Variants in P2RX5 observed in about 807,000 individuals in gnomAD.
P2RX5 encodes the protein P2X purinoceptor 5.
In P2RX5, 46 loss-of-function variants were observed where a neutral mutation model predicts 54.1. The ratio of observed to expected loss-of-function variants is 0.85; its 90% CI spans 0.67 to 1.09. P2RX5 has a LOEUF of 1.09. Ranked by LOEUF, P2RX5 falls within the 50% of genes least tolerant of loss-of-function variation. The probability of loss-of-function intolerance (pLI) is 0.00; values close to 1 mark genes in which losing one functional copy is unlikely to be tolerated. For synonymous variants in P2RX5, 226 were observed against 226.4 expected, an observed-to-expected ratio of 1.00 and a Z score of 0.02; for missense variants, 566 against 549.8, an observed-to-expected ratio of 1.03 and a Z score of -0.29.
intron 1 of P2RX5, among the ~76,000 whole-genome samples, chr17:3,694,492 C>A (rs537998663): frequency 5.3e-4 from 80 of 152,272 alleles, no homozygotes; most frequent in African/African-American, 1.8e-3. Flanking sequence ...AGGCATGAGC[C>A]ACAGCGCCCG....
At chr17:3,716,808 A>C in the P2RX5 span, 1 of 1,429,568 alleles carries the variant, frequency 7.0e-7, no homozygotes, top group Non-Finnish European at 9.8e-7. Context: ...TCTAGACAAG[A>C]CAAAGAGATC....
chr17:3,700,256 C>T (rs923920134), upstream of P2RX5, among the ~76,000 whole-genome samples: 3 of 152,092 alleles, frequency 2.0e-5, no homozygotes, highest in African/African-American at 7.2e-5. Flanking sequence ...AAGTCAGGGC[C>T]GGGCAGTGTG....
At chr17:3,710,148 C>T in the P2RX5 span, among the ~76,000 whole-genome samples, 141 of 151,606 alleles carry the variant, frequency 9.3e-4, 1 homozygote, top group African/African-American at 2.9e-3. Context: ...TGCAGGAGGC[C>T]GGGCGTGGCG....
the P2RX5 span, chr17:3,723,711 C>T: frequency 1.2e-6 from 2 of 1,603,768 alleles, 1 homozygote; most frequent in South Asian, 2.2e-5. Context: ...TACGCACAAG[C>T]GCGCTCCTGA....
At chr17:3,690,324 C>A in intron 5 of P2RX5, 103 bp downstream of exon 5, 1 of 1,150,068 alleles carries the variant, frequency 8.7e-7, no homozygotes, top group South Asian at 1.3e-5. Flanking sequence ...TGACTCCTCC[C>A]TCAGCGTGAG....
the P2RX5 span, among the ~76,000 whole-genome samples, chr17:3,705,120 C>T: frequency 0.012 from 1,840 of 152,306 alleles, 32 homozygotes; most frequent in African/African-American, 0.041. Flanking sequence ...CTCCAGTTCC[C>T]GGCGCTGGCT....
At chr17:3,680,538 C>T (rs867189909) in intron 10 of P2RX5, among the ~76,000 whole-genome samples, 89 of 116,880 alleles carry the variant, frequency 7.6e-4, no homozygotes, top group Middle Eastern at 0.013. Flanking sequence ...CTCCACCCAG[C>T]GTCCTCCACC....
At chr17:3,689,919 T>C (rs1314702681) in intron 6 of P2RX5, 151 bp downstream of exon 6, 9 of 837,866 alleles carry the variant, frequency 1.1e-5, no homozygotes, top group Non-Finnish European at 1.4e-5. Flanking sequence ...CACAGACACA[T>C]GCACGCGCAC....
chr17:3,701,213 G>A (rs2050813284), upstream of P2RX5, among the ~76,000 whole-genome samples: 1 of 152,134 alleles, frequency 6.6e-6, no homozygotes, highest in African/African-American at 2.4e-5. Context: ...TTGTTAAAAC[G>A]TTGTGAGGTT....
At position 3,688,076 on chromosome 17, in the gene P2RX5, C is replaced by A; in HGVS notation, c.917G>T (p.Gly306Val). ...TTTCATCAGGGTGCGGAACTCCACC[C>A]CGGCTGCGTCTCGGTAATATCTGGC... is the stretch of plus-strand genomic sequence containing the variant. ...RFARYYRDAAGVEFRTLMKAY... is the reference protein window; with the variant it reads ...RFARYYRDAAVVEFRTLMKAY... The change falls in exon 9 of 12, where the codon GGG becomes GTG. Residue 306 changes from glycine to valine, a missense_variant. Physicochemically the swap from Gly to Val is moderately radical, Grantham distance 109. Coordinates refer to ENST00000225328, the MANE Select transcript of P2RX5 (RefSeq NM_002561.4). The A allele has an allele frequency of 6.2e-7, 1 of 1,606,460 alleles. No homozygotes were observed. The highest frequency in any genetic ancestry group is 8.5e-7 in the Non-Finnish European group (1 of 1,176,234).
rs1157373554 is a variant in P2RX5, at chr17:3,689,528, G to A, written c.717C>T (p.Arg239=). ...TATCCTGGAAGTCGCTCCCGGCCCAGCGGATCACGGAGCCCAGTCGGAAGA... is the reference window on the plus strand; with the variant it reads ...TATCCTGGAAGTCGCTCCCGGCCCAACGGATCACGGAGCCCAGTCGGAAGA... ...CPIFRLGSVI[R]WAGSDFQDIA... Residue 239 remains arginine, a synonymous_variant, in exon 7 of 12, where the codon CGC becomes CGT. Transcript: ENST00000225328. 8 of 1,614,068 alleles carry A rather than the reference G, an allele frequency of 5.0e-6. No homozygotes were observed. In the East Asian group the frequency reaches 6.7e-5, roughly 13 times the overall value.
At chr17:3,715,175 C>G in the P2RX5 span, among the ~76,000 whole-genome samples, 3 of 152,182 alleles carry the variant, frequency 2.0e-5, no homozygotes, top group Non-Finnish European at 4.4e-5. Context: ...CCTGCTCTCC[C>G]GAGCAGCTGA....
At chr17:3,711,866 A>G in the P2RX5 span, among the ~76,000 whole-genome samples, 20,002 of 152,140 alleles carry the variant, frequency 0.13, 4,395 homozygotes, top group African/African-American at 0.46. Context: ...GGCCCAAGCC[A>G]TAGCATATGA....
the P2RX5 span, chr17:3,723,504 GCTCAC>G: frequency 1.0e-6 from 1 of 974,820 alleles, no homozygotes; most frequent in African/African-American, 1.6e-5. Flanking sequence ...CAATTTCAGC[GCTCAC>G]CTCGGCCCAA....
chr17:3,705,098 A>G, the P2RX5 span, among the ~76,000 whole-genome samples: 3 of 152,322 alleles, frequency 2.0e-5, no homozygotes, highest in Non-Finnish European at 4.4e-5. Flanking sequence ...AGCTACGCAC[A>G]TCTTGTTCTA....
Position 3,696,078 on chromosome 17 carries a change from C to T in P2RX5, c.-73G>A. 6.6e-7 allele frequency: 1 copy of T among 1,504,632 alleles called. No individual in the cohort carries two copies. Among genetic ancestry groups the T allele is most frequent in the Non-Finnish European group, 8.9e-7 (1 of 1,126,244 alleles). 93.2% of individuals were successfully genotyped at this position (1,504,632 alleles called of 1,614,324 possible). ...ATGGGGAGCACTCGGTCCCTCGGTC[C>T]CTGCGCGCCCGGCGCCCGCCTCGGC... On this transcript the variant is annotated 5_prime_UTR_variant, in exon 1 of 12. Coordinates refer to ENST00000225328, the MANE Select transcript of P2RX5 (RefSeq NM_002561.4).
At chr17:3,697,581 C>T (rs1567743323), upstream of P2RX5, among the ~76,000 whole-genome samples, 1 of 152,116 alleles carries the variant, frequency 6.6e-6, no homozygotes, top group Non-Finnish European at 1.5e-5. Context: ...AAGTAAAAGC[C>T]CCAAGGAAGG....
chr17:3,723,321 C>T, the P2RX5 span: 2 of 1,613,802 alleles, frequency 1.2e-6, no homozygotes, highest in Non-Finnish European at 1.7e-6. Context: ...TCTCTGCAGC[C>T]ACGGTGACAT....
At chr17:3,695,291 C>T (rs1305087832) in intron 1 of P2RX5, among the ~76,000 whole-genome samples, 1 of 152,176 alleles carries the variant, frequency 6.6e-6, no homozygotes, top group Admixed American at 6.5e-5. Context: ...AGGGGATGGC[C>T]GAGCTGGGTG....
Sources: gnomAD v4.1 joint callset for allele counts (sites outside exome capture counted in the v4.1 genomes callset) on GRCh38, gnomAD v4.1.1 for gene constraint, MANE v1.5 for transcripts, NCBI Gene and HGNC (gene_info 2026-07-23, HGNC 2026-07-21) for gene names.